MAD1L1: variants seen among roughly 807,000 people sequenced by gnomAD.
MAD1L1 encodes the protein mitotic arrest deficient 1 like 1.
A neutral mutation model predicts 96.9 loss-of-function variants in MAD1L1; 95 were observed. The ratio of observed to expected loss-of-function variants is 0.98; its 90% confidence interval spans 0.83 to 1.16. MAD1L1 has a LOEUF of 1.16. Ranked by LOEUF, MAD1L1 falls within the 50% of genes most tolerant of loss-of-function variation. The pLI is 0.00. For missense variants in MAD1L1, 1,007 were observed against 954.4 expected (o/e 1.06, Z -0.73); for synonymous variants, 473 against 396.6 (o/e 1.19, Z -2.29).
At chr7:1,959,602 G>T (rs895364041) in intron 15 of MAD1L1, among the ~76,000 whole-genome samples, 1 of 152,144 alleles carries the variant, frequency 6.6e-6, no homozygotes, top group African/African-American at 2.4e-5. Flanking sequence ...GGCACAAGGC[G>T]GGGTTCTCAT....
intron 11 of MAD1L1, among the ~76,000 whole-genome samples, chr7:2,113,168 C>T (rs1258299710): frequency 6.6e-6 from 1 of 152,116 alleles, no homozygotes; most frequent in Admixed American, 6.5e-5. Context: ...CTCAGCAAAG[C>T]GTCCCACTCA....
chr7:2,205,494 G>A (rs1033165630), intron 10 of MAD1L1, among the ~76,000 whole-genome samples: 7 of 152,134 alleles, frequency 4.6e-5, no homozygotes, highest in South Asian at 2.1e-4. Flanking sequence ...TCAGCTGCAC[G>A]GAGACAGTCC....
At chr7:2,129,043 C>T (rs1283786261) in intron 11 of MAD1L1, among the ~76,000 whole-genome samples, 3 of 152,216 alleles carry the variant, frequency 2.0e-5, no homozygotes, top group Non-Finnish European at 4.4e-5. Flanking sequence ...AGGTGGTGCA[C>T]GACCCCACCA....
At chr7:1,940,932 C>CT (rs1562545270) in intron 16 of MAD1L1, among the ~76,000 whole-genome samples, 4 of 149,838 alleles carry the variant, frequency 2.7e-5, no homozygotes, top group Non-Finnish European at 4.4e-5. Context: ...AGACCCTCCT[C>CT]CCCCAGGCCT....
intron 18 of MAD1L1, among the ~76,000 whole-genome samples, chr7:1,862,860 T>C (rs1272391579): frequency 6.6e-6 from 1 of 152,230 alleles, no homozygotes; most frequent in African/African-American, 2.4e-5. Context: ...TCTACTGGTC[T>C]GAGGTGGGCT....
intron 10 of MAD1L1, among the ~76,000 whole-genome samples, chr7:2,165,336 G>T (rs184230061): frequency 3.3e-4 from 50 of 152,374 alleles, no homozygotes; most frequent in African/African-American, 1.1e-3. Flanking sequence ...TGGACTGATA[G>T]AAGTGTGTTA....
intron 11 of MAD1L1, among the ~76,000 whole-genome samples, chr7:2,132,470 G>A (rs1238036619): frequency 2.4e-5 from 3 of 125,628 alleles, no homozygotes; most frequent in East Asian, 5.7e-4. Context: ...TCGGTCCACT[G>A]CTGCGTGCGA....
At chr7:1,929,493 T>C (rs1789304216) in intron 17 of MAD1L1, among the ~76,000 whole-genome samples, 1 of 151,742 alleles carries the variant, frequency 6.6e-6, no homozygotes, top group African/African-American at 2.4e-5. Context: ...ATGGCAAGGG[T>C]TGTTTAGTGA....
At chr7:1,817,742 G>A (rs1214422187) in intron 18 of MAD1L1, among the ~76,000 whole-genome samples, 1 of 152,118 alleles carries the variant, frequency 6.6e-6, no homozygotes, top group Admixed American at 6.5e-5. Flanking sequence ...AAACCGTTTT[G>A]GAAAGCGCTC....
intron 11 of MAD1L1, among the ~76,000 whole-genome samples, chr7:2,085,787 G>A (rs1309942479): frequency 6.6e-6 from 1 of 152,180 alleles, no homozygotes; most frequent in East Asian, 1.9e-4. Flanking sequence ...ACGATGACAC[G>A]AGTGTTCGTG....
intron 18 of MAD1L1, among the ~76,000 whole-genome samples, chr7:1,841,487 G>A (rs1399310316): frequency 2.0e-5 from 3 of 152,246 alleles, no homozygotes; most frequent in Non-Finnish European, 4.4e-5. Flanking sequence ...GGAACCGGCT[G>A]CTGAGCCTCC....
At chr7:2,107,251 G>A (rs1370458533) in intron 11 of MAD1L1, among the ~76,000 whole-genome samples, 3 of 152,206 alleles carry the variant, frequency 2.0e-5, no homozygotes, top group Non-Finnish European at 4.4e-5. Context: ...CGCTGCCGGA[G>A]CATCCGGTGG....
chr7:1,865,773 C>T lies in MAD1L1; in HGVS notation c.1998+32427G>A, dbSNP rs116614093. Among the ~76,000 whole-genome samples, 1,466 of 152,336 alleles carry T rather than the reference C, an allele frequency of 9.6e-3. 21 individuals are homozygous for T. The highest frequency in any genetic ancestry group is 0.033 in the African/African-American group (1,379 of 41,560). On this transcript the variant is annotated intron_variant, in intron 18 of 18. Coordinates refer to ENST00000265854, the MANE Select transcript of MAD1L1 (RefSeq NM_001013836.2). ...GACGCAAAGGCACAGACCCAGAGAGCGGCTGCTACGGGATCTACAGCGACT... is the reference window on the plus strand; with the variant it reads ...GACGCAAAGGCACAGACCCAGAGAGTGGCTGCTACGGGATCTACAGCGACT...
chr7:1,839,048 G>GGCGGGTCCCACTCGCA (rs1311526456), intron 18 of MAD1L1, among the ~76,000 whole-genome samples: 6 of 152,240 alleles, frequency 3.9e-5, no homozygotes, highest in African/African-American at 1.4e-4. Context: ...GGCCAACCGC[G>GGCGGGTCCCACTCGCA]GCGGGTCCCA....
chr7:2,045,046 C>T (rs377194899), intron 12 of MAD1L1, among the ~76,000 whole-genome samples: 8 of 152,218 alleles, frequency 5.3e-5, no homozygotes, highest in East Asian at 3.8e-4. Flanking sequence ...TGAGCCAGGG[C>T]GCCCTGACGG....
At chr7:2,012,638 CA>C (rs1782355327) in intron 13 of MAD1L1, among the ~76,000 whole-genome samples, 1 of 152,170 alleles carries the variant, frequency 6.6e-6, no homozygotes, top group Non-Finnish European at 1.5e-5. Flanking sequence ...AAGAACACAC[CA>C]GGGGGCAGTA....
At chr7:2,021,582 C>A (rs115784609) in intron 12 of MAD1L1, among the ~76,000 whole-genome samples, 1 of 151,388 alleles carries the variant, frequency 6.6e-6, no homozygotes, top group Admixed American at 6.6e-5. Flanking sequence ...CTGGACAATG[C>A]GGCGAAACCT....
At chr7:2,021,664 C>A (rs1782792476) in intron 12 of MAD1L1, among the ~76,000 whole-genome samples, 1 of 152,110 alleles carries the variant, frequency 6.6e-6, no homozygotes, top group South Asian at 2.1e-4. Context: ...ACTCGGGAGG[C>A]TGAGGCAGGA....
At chr7:1,941,632 C>A (rs1779003675) in intron 16 of MAD1L1, among the ~76,000 whole-genome samples, 1 of 152,220 alleles carries the variant, frequency 6.6e-6, no homozygotes, top group South Asian at 2.1e-4. Context: ...TACGCATGCA[C>A]CACCAGGTCC....
Sources: gnomAD v4.1 joint callset for allele counts (sites outside exome capture counted in the v4.1 genomes callset) on GRCh38, gnomAD v4.1.1 for gene constraint, MANE v1.5 for transcripts, NCBI Gene and HGNC (gene_info 2026-07-23, HGNC 2026-07-21) for gene names.